Variants in PTH2R observed in about 807,000 individuals in gnomAD.
PTH2R encodes the protein PTH2 receptor.
Under a neutral mutation model 60.3 loss-of-function variants are expected in PTH2R, and 59 were observed. The observed-to-expected ratio is 0.98, with a 90% CI of 0.79 to 1.22. PTH2R has a LOEUF of 1.22. Ranked by LOEUF, PTH2R falls within the 50% of genes most tolerant of loss-of-function variation. PTH2R has a pLI of 0.00. For synonymous variants in PTH2R, 256 were observed against 243.8 expected, an observed-to-expected ratio of 1.05 and a Z score of -0.47; for missense variants, 749 against 682.6, an observed-to-expected ratio of 1.10 and a Z score of -1.08.
At chr2:208,436,975 T>A (rs1248810836) in intron 2 of PTH2R, among the ~76,000 whole-genome samples, 1 of 152,140 alleles carries the variant, frequency 6.6e-6, no homozygotes. Context: ...TGGACTATCG[T>A]GGTGACAGTA....
At chr2:208,396,057 G>A (rs978932666) in intron 1 of PTH2R, among the ~76,000 whole-genome samples, 1 of 152,150 alleles carries the variant, frequency 6.6e-6, no homozygotes, top group Non-Finnish European at 1.5e-5. Context: ...ACAAGAAATA[G>A]GGAAAGGATT....
intron 1 of PTH2R, among the ~76,000 whole-genome samples, chr2:208,388,498 T>C (rs1701049770): frequency 6.6e-6 from 1 of 152,192 alleles, no homozygotes; most frequent in Non-Finnish European, 1.5e-5. Flanking sequence ...TCCCATTCCA[T>C]CATACCTGTG....
intron 2 of PTH2R, among the ~76,000 whole-genome samples, chr2:208,430,617 G>A (rs1033545875): frequency 6.6e-6 from 1 of 150,994 alleles, no homozygotes; most frequent in East Asian, 1.9e-4. Context: ...CATGATCTTG[G>A]CTCACTGCAA....
chr2:208,479,776 A>T (rs1703103104), intron 9 of PTH2R, among the ~76,000 whole-genome samples: 1 of 152,220 alleles, frequency 6.6e-6, no homozygotes, highest in Non-Finnish European at 1.5e-5. Flanking sequence ...TTCAAATTCT[A>T]GCCGATTGGT....
chr2:208,412,970 A>AT (rs1269577740), intron 1 of PTH2R, among the ~76,000 whole-genome samples: 1 of 151,640 alleles, frequency 6.6e-6, no homozygotes, highest in Non-Finnish European at 1.5e-5. Flanking sequence ...TCCTATGACT[A>AT]TTTTCCTGTC....
chr2:208,432,721 A>G (rs1412200652), intron 2 of PTH2R, among the ~76,000 whole-genome samples: 2 of 152,184 alleles, frequency 1.3e-5, no homozygotes, highest in Non-Finnish European at 2.9e-5. Context: ...GCCCCCAGCA[A>G]ACCACTGGTG....
At chr2:208,362,978 T>C (rs1700508317) in intron 1 of PTH2R, among the ~76,000 whole-genome samples, 1 of 152,156 alleles carries the variant, frequency 6.6e-6, no homozygotes, top group Non-Finnish European at 1.5e-5. Flanking sequence ...CATTTATATA[T>C]CATCTTTGGA....
At chr2:208,484,667 T>C (rs1256703365) in intron 10 of PTH2R, among the ~76,000 whole-genome samples, 1 of 152,370 alleles carries the variant, frequency 6.6e-6, no homozygotes, top group East Asian at 1.9e-4. Flanking sequence ...CTAATTTCAC[T>C]TCCCATTTAA....
intron 1 of PTH2R, among the ~76,000 whole-genome samples, chr2:208,408,812 C>T (rs1222275383): frequency 6.6e-6 from 1 of 151,516 alleles, no homozygotes; most frequent in Admixed American, 6.6e-5. Context: ...AGAATATTTT[C>T]TTTTGCTTTC....
intron 1 of PTH2R, 71 bp from the exon 2 acceptor site, chr2:208,428,130 A>G: frequency 8.7e-7 from 1 of 1,154,348 alleles, no homozygotes; most frequent in Middle Eastern, 2.0e-4. Context: ...TTAGAAGGTG[A>G]AATAATGAAA....
intron 9 of PTH2R, among the ~76,000 whole-genome samples, chr2:208,477,964 G>GTACTAGTACTACTAGCACTAC (rs1703054134): frequency 3.9e-5 from 1 of 25,716 alleles, no homozygotes; most frequent in East Asian, 6.8e-4. Flanking sequence ...ACTACTACTA[G>GTACTAGTACTACTAGCACTAC]TACTAGTACT....
intron 1 of PTH2R, among the ~76,000 whole-genome samples, chr2:208,389,269 A>AG (rs1701063655): frequency 7.6e-6 from 1 of 130,980 alleles, no homozygotes; most frequent in African/African-American, 3.0e-5. Flanking sequence ...CACACACACA[A>AG]TCTATTGAGG....
At chr2:208,459,596 A>C (rs1365200458) in intron 8 of PTH2R, among the ~76,000 whole-genome samples, 1 of 152,154 alleles carries the variant, frequency 6.6e-6, no homozygotes, top group Admixed American at 6.6e-5. Flanking sequence ...TATGACATTT[A>C]GAAGACTATT....
intron 10 of PTH2R, among the ~76,000 whole-genome samples, chr2:208,482,803 C>A (rs184548933): frequency 2.1e-4 from 32 of 149,974 alleles, no homozygotes; most frequent in East Asian, 1.6e-3. Flanking sequence ...TGGACAGGCA[C>A]CCCCCATGCG....
At chr2:208,439,142 G>A (rs1038971756) in intron 4 of PTH2R, among the ~76,000 whole-genome samples, 1 of 152,004 alleles carries the variant, frequency 6.6e-6, no homozygotes, top group African/African-American at 2.4e-5. Context: ...GCTGTTAATG[G>A]CCATTAAATT....
Position 208,438,015 on chromosome 2 carries a change from T to C in PTH2R, c.411+134T>C, listed in dbSNP as rs542575237. 1.6e-5 allele frequency: 19 copies of C among 1,215,244 alleles called. No homozygotes were observed. The African/African-American group carries it at 2.4e-4, about 16-fold the overall frequency. The allele number at this position is 1,215,244 out of a possible 1,614,324, so 75.3% of individuals were successfully genotyped here. ...CAAGGATCATAAAAGATAAAAGCAA[T>C]GTTGCAATCTTTTCAGATGCATATC... On this transcript the variant is annotated intron_variant, in intron 4 of 12. Transcript: ENST00000272847.
At chr2:208,367,924 G>A (rs1176121186) in intron 1 of PTH2R, among the ~76,000 whole-genome samples, 2 of 152,054 alleles carry the variant, frequency 1.3e-5, no homozygotes, top group Middle Eastern at 3.2e-3. Flanking sequence ...ATGCCAACAG[G>A]TACAAAAAAT....
chr2:208,363,814 C>T (rs1700527809), intron 1 of PTH2R, among the ~76,000 whole-genome samples: 1 of 152,144 alleles, frequency 6.6e-6, no homozygotes, highest in Non-Finnish European at 1.5e-5. Context: ...CATGTGTCTT[C>T]TTTTGAGAAG....
At chr2:208,386,185 C>T (rs559262799) in intron 1 of PTH2R, among the ~76,000 whole-genome samples, 3 of 152,326 alleles carry the variant, frequency 2.0e-5, no homozygotes, top group African/African-American at 7.2e-5. Context: ...TCATCATACT[C>T]ATGTTCTTGA....
Sources: gnomAD v4.1 joint callset for allele counts (sites outside exome capture counted in the v4.1 genomes callset) on GRCh38, gnomAD v4.1.1 for gene constraint, MANE v1.5 for transcripts, NCBI Gene and HGNC (gene_info 2026-07-23, HGNC 2026-07-21) for gene names.